Variants in KCNQ5 observed in about 807,000 individuals in gnomAD.
KCNQ5 encodes the protein potassium voltage-gated channel subfamily KQT member 5.
In KCNQ5, 30 loss-of-function variants were observed where a neutral mutation model predicts 98.2. The ratio of observed to expected loss-of-function variants is 0.31; its 90% CI spans 0.23 to 0.41. The LOEUF is 0.41. Among genes scored for constraint, KCNQ5 ranks in the 10% least tolerant of loss-of-function variants. The pLI is 1.00. For synonymous variants in KCNQ5, 458 were observed against 449.4 expected, an observed-to-expected ratio of 1.02 and a Z score of -0.24; for missense variants, 835 against 1,182.5, an observed-to-expected ratio of 0.71 and a Z score of 4.31.
intron 1 of KCNQ5, among the ~76,000 whole-genome samples, chr6:72,900,145 ATTC>A (rs907549423): frequency 9.2e-5 from 14 of 151,906 alleles, no homozygotes; most frequent in Non-Finnish European, 2.1e-4. Context: ...CTATTGCACC[ATTC>A]TTATGCATTT....
Position 72,831,739 on chromosome 6 carries a change from A to T in KCNQ5, c.399-172169A>T, listed in dbSNP as rs554503101. Among the ~76,000 whole-genome samples the T allele has an allele frequency of 8.9e-4, 117 of 131,048 alleles. 1 individual carries two copies. In the South Asian group the frequency reaches 9.2e-3, roughly 10 times the overall value. The allele number at this position is 131,048 out of a possible 152,430, so 86.0% of individuals were successfully genotyped here. A position where few individuals can be genotyped will look rare whatever the true frequency, so the allele number is the denominator to read the frequency against. On this transcript the variant is annotated intron_variant, in intron 1 of 13. Coordinates refer to ENST00000370398, the MANE Select transcript of KCNQ5 (RefSeq NM_019842.4). ...AACTTAAAGTATAATTTAAAAAAAA[A>T]ATAAAATAAAATTAACAGAAAAAAA...
chr6:73,077,540 T>G (rs545259992), intron 4 of KCNQ5, 43 bp downstream of exon 4: 3 of 1,556,220 alleles, frequency 1.9e-6, no homozygotes, highest in South Asian at 2.4e-5. Flanking sequence ...TTTTTGAAAC[T>G]TTTTCATTGA....
At chr6:73,172,305 G>C (rs1188511862) in intron 11 of KCNQ5, among the ~76,000 whole-genome samples, 2 of 152,056 alleles carry the variant, frequency 1.3e-5, no homozygotes, top group African/African-American at 2.4e-5. Flanking sequence ...AGATGCTGCG[G>C]TGAGCCAAGA....
chr6:72,751,221 A>G (rs185872526), intron 1 of KCNQ5, among the ~76,000 whole-genome samples: 24 of 152,142 alleles, frequency 1.6e-4, no homozygotes, highest in African/African-American at 5.3e-4. Flanking sequence ...AGGCAATTTC[A>G]GGAAAAGGGT....
chr6:72,674,435 A>T (rs1174280894), intron 1 of KCNQ5, among the ~76,000 whole-genome samples: 1 of 152,046 alleles, frequency 6.6e-6, no homozygotes, highest in Non-Finnish European at 1.5e-5. Flanking sequence ...TACCCCTAAA[A>T]CTGTTGAAAT....
chr6:72,657,549 C>T (rs1236562911), intron 1 of KCNQ5, among the ~76,000 whole-genome samples: 1 of 152,178 alleles, frequency 6.6e-6, no homozygotes, highest in Non-Finnish European at 1.5e-5. Flanking sequence ...AAGTTTGCCT[C>T]ATAGACTGTA....
chr6:73,000,988 G>A (rs112858530), intron 1 of KCNQ5, among the ~76,000 whole-genome samples: 13 of 152,258 alleles, frequency 8.5e-5, no homozygotes, highest in Admixed American at 1.3e-4. Context: ...GATAATTCTC[G>A]TTCCATGAAA....
intron 1 of KCNQ5, among the ~76,000 whole-genome samples, chr6:72,873,307 G>A (rs549503237): frequency 6.6e-6 from 1 of 152,096 alleles, no homozygotes; most frequent in Non-Finnish European, 1.5e-5. Context: ...TTCACCTTGG[G>A]TAATTTAAAA....
chr6:72,718,537 G>A (rs919500783), intron 1 of KCNQ5, among the ~76,000 whole-genome samples: 1 of 130,376 alleles, frequency 7.7e-6, no homozygotes, highest in Non-Finnish European at 1.6e-5. Flanking sequence ...TGCAACCTCC[G>A]CCTCCCAGGT....
chr6:72,664,977 A>C (rs1373479087), intron 1 of KCNQ5, among the ~76,000 whole-genome samples: 1 of 152,220 alleles, frequency 6.6e-6, no homozygotes, highest in African/African-American at 2.4e-5. Flanking sequence ...TCAACTACGT[A>C]GGCAGACTGT....
chr6:72,702,358 G>T (rs780822817), intron 1 of KCNQ5, among the ~76,000 whole-genome samples: 3 of 152,148 alleles, frequency 2.0e-5, no homozygotes, highest in Non-Finnish European at 1.5e-5. Flanking sequence ...AATTCATGTG[G>T]CTCAAGGGAA....
At chr6:73,132,665 G>A (rs1239185908) in intron 9 of KCNQ5, among the ~76,000 whole-genome samples, 4 of 152,184 alleles carry the variant, frequency 2.6e-5, no homozygotes, top group African/African-American at 2.4e-5. Flanking sequence ...TCAGAGAACT[G>A]AATGCCTGAA....
At chr6:72,797,691 A>G (rs1417078719) in intron 1 of KCNQ5, among the ~76,000 whole-genome samples, 8 of 152,174 alleles carry the variant, frequency 5.3e-5, no homozygotes, top group Admixed American at 5.2e-4. Context: ...AAGAAACTTT[A>G]TTGGATTTTT....
rs1265656589 is a variant in KCNQ5 at position 73,195,524 on chromosome 6, A to C, written c.*110A>C. The C allele has an allele frequency of 2.9e-5, 40 of 1,371,978 alleles. No homozygotes were observed. Among genetic ancestry groups the C allele is most frequent in the Non-Finnish European group, 3.7e-5 (38 of 1,013,382 alleles). 85.0% of individuals were successfully genotyped at this position (1,371,978 alleles called of 1,614,324 possible). A position where few individuals can be genotyped will look rare whatever the true frequency, so the allele number is the denominator to read the frequency against. On this transcript the variant is annotated 3_prime_UTR_variant, in exon 14 of 14. Transcript: ENST00000370398. ...TGAAATTGCAAGAATCGGGAAGAACATGAAAGGCAGTTTATAAGCCCGTTA... is the reference window on the plus strand; with the variant it reads ...TGAAATTGCAAGAATCGGGAAGAACCTGAAAGGCAGTTTATAAGCCCGTTA...
intron 10 of KCNQ5, among the ~76,000 whole-genome samples, chr6:73,164,775 T>C: frequency 6.6e-6 from 1 of 152,178 alleles, no homozygotes; most frequent in East Asian, 1.9e-4. Flanking sequence ...TTATGGCTGG[T>C]TATACAGTGT....
chr6:73,048,834 A>C (rs1772087735), intron 3 of KCNQ5, among the ~76,000 whole-genome samples: 1 of 152,324 alleles, frequency 6.6e-6, no homozygotes, highest in East Asian at 1.9e-4. Context: ...ACTTTTTTAC[A>C]GCCCCAGTGG....
intron 2 of KCNQ5, among the ~76,000 whole-genome samples, chr6:73,034,689 T>C (rs1771310049): frequency 6.6e-6 from 1 of 152,030 alleles, no homozygotes; most frequent in Non-Finnish European, 1.5e-5. Flanking sequence ...TACAGCAGAG[T>C]TATATGTATC....
chr6:72,699,569 A>G (rs1456845254), intron 1 of KCNQ5, among the ~76,000 whole-genome samples: 2 of 152,162 alleles, frequency 1.3e-5, no homozygotes, highest in African/African-American at 2.4e-5. Context: ...GAAGATTGCC[A>G]ATTTCCCCAC....
intron 1 of KCNQ5, among the ~76,000 whole-genome samples, chr6:72,941,464 T>TC (rs1766266922): frequency 9.1e-5 from 8 of 87,562 alleles, no homozygotes; most frequent in African/African-American, 3.5e-4. Flanking sequence ...TCCTTCCTTC[T>TC]TCCTTCCCTC....
Sources: gnomAD v4.1 joint callset for allele counts (sites outside exome capture counted in the v4.1 genomes callset) on GRCh38, gnomAD v4.1.1 for gene constraint, MANE v1.5 for transcripts, NCBI Gene and HGNC (gene_info 2026-07-23, HGNC 2026-07-21) for gene names.